Variants in CSMD1 observed in about 807,000 individuals in gnomAD.
CSMD1 encodes CUB and sushi domain-containing protein 1.
A neutral mutation model predicts 417.5 loss-of-function variants in CSMD1; 213 were observed. That is an observed-to-expected ratio of 0.51 (90% confidence interval 0.46 to 0.57). CSMD1 has a LOEUF of 0.57. Among genes scored for constraint, CSMD1 ranks in the 20% least tolerant of loss-of-function variants. The pLI, the probability that CSMD1 is intolerant of heterozygous loss-of-function variation, is 0.00. For missense variants in CSMD1, 6,923 were observed against 4,529.7 expected (o/e 1.53, Z -15.17); for synonymous variants, 2,862 against 1,736.8 (o/e 1.65, Z -16.11).
chr8:3,176,718 G>C (rs913971652), intron 37 of CSMD1, among the ~76,000 whole-genome samples: 1 of 152,032 alleles, frequency 6.6e-6, no homozygotes, highest in Admixed American at 6.5e-5. Context: ...ACCCATCAGG[G>C]AGCTGCGTGG....
intron 50 of CSMD1, among the ~76,000 whole-genome samples, chr8:3,033,290 T>C (rs967839340): frequency 6.6e-6 from 1 of 152,096 alleles, no homozygotes. Flanking sequence ...ATGATAAAAT[T>C]GTTGATAATC....
chr8:3,373,365 G>A (rs573776047), intron 18 of CSMD1: 1 of 152,216 alleles, frequency 6.6e-6, no homozygotes, highest in African/African-American at 2.4e-5. Context: ...CAGACAGAAA[G>A]TTAGAGATAA....
At chr8:3,649,793 T>G (rs1029575287) in intron 7 of CSMD1, among the ~76,000 whole-genome samples, 2 of 152,176 alleles carry the variant, frequency 1.3e-5, no homozygotes, top group East Asian at 3.8e-4. Flanking sequence ...TACTAAATTG[T>G]GGTCTTATTA....
intron 5 of CSMD1, among the ~76,000 whole-genome samples, chr8:3,867,200 A>G (rs1805164682): frequency 6.6e-6 from 1 of 152,174 alleles, no homozygotes; most frequent in African/African-American, 2.4e-5. Flanking sequence ...GTATATATAG[A>G]CAAAAGAGTG....
chr8:3,599,740 C>T (rs1327072057), intron 8 of CSMD1, among the ~76,000 whole-genome samples: 1 of 152,202 alleles, frequency 6.6e-6, no homozygotes. Flanking sequence ...ATACCTTGCA[C>T]TCCTCTCTTC....
At chr8:4,899,512 C>G (rs1173004922) in intron 1 of CSMD1, among the ~76,000 whole-genome samples, 1 of 152,098 alleles carries the variant, frequency 6.6e-6, no homozygotes, top group African/African-American at 2.4e-5. Flanking sequence ...CTCATTGTCT[C>G]ACAAAATAAG....
intron 41 of CSMD1, among the ~76,000 whole-genome samples, chr8:3,126,120 G>C (rs751822653): frequency 1.2e-4 from 19 of 152,234 alleles, no homozygotes; most frequent in Admixed American, 3.3e-4. Context: ...GTGCCAATAC[G>C]GGGACTTGAA....
intron 52 of CSMD1, among the ~76,000 whole-genome samples, chr8:3,012,227 C>CTTCTTAGAA (rs1222788440): frequency 6.6e-6 from 1 of 152,192 alleles, no homozygotes; most frequent in Non-Finnish European, 1.5e-5. Flanking sequence ...TCACAAGGTT[C>CTTCTTAGAA]TTCTTAGAAT....
chr8:3,610,884 T>C (rs1467356415), intron 8 of CSMD1, among the ~76,000 whole-genome samples: 1 of 152,012 alleles, frequency 6.6e-6, no homozygotes, highest in East Asian at 1.9e-4. Context: ...AGTTGCCTTT[T>C]CCATTGACAG....
intron 3 of CSMD1, among the ~76,000 whole-genome samples, chr8:4,354,386 T>C (rs965995635): frequency 3.9e-5 from 6 of 152,212 alleles, no homozygotes; most frequent in Non-Finnish European, 5.9e-5. Flanking sequence ...ATTTCGTAAC[T>C]ATTAAAATAC....
At chr8:3,613,208 C>A in intron 8 of CSMD1, 1 of 294,734 alleles carries the variant, frequency 3.4e-6, no homozygotes, top group East Asian at 1.3e-4. Flanking sequence ...TCAAAGCTCA[C>A]TGAAGTAGAA....
At chr8:4,230,207 T>A (rs1003118560) in intron 3 of CSMD1, among the ~76,000 whole-genome samples, 1 of 152,172 alleles carries the variant, frequency 6.6e-6, no homozygotes, top group African/African-American at 2.4e-5. Flanking sequence ...ATCTAGAGTT[T>A]CCCTCTAATC....
intron 1 of CSMD1, among the ~76,000 whole-genome samples, chr8:4,983,227 A>C (rs1265093013): frequency 6.6e-6 from 1 of 152,236 alleles, no homozygotes; most frequent in East Asian, 1.9e-4. Context: ...GTCAATAAGC[A>C]GGCACAGTGA....
chr8:4,469,804 C>T (rs1411052817), intron 2 of CSMD1, among the ~76,000 whole-genome samples: 3 of 152,202 alleles, frequency 2.0e-5, no homozygotes, highest in South Asian at 2.1e-4. Flanking sequence ...ACAGCCTTCT[C>T]ACGGAGGGAA....
intron 9 of CSMD1, among the ~76,000 whole-genome samples, chr8:3,577,459 A>G (rs772777015): frequency 4.6e-5 from 7 of 152,122 alleles, no homozygotes; most frequent in African/African-American, 7.2e-5. Flanking sequence ...TTAATAAAAA[A>G]TTGTTTATTT....
At chr8:4,005,266 C>T (rs1369575616) in intron 4 of CSMD1, among the ~76,000 whole-genome samples, 2 of 152,144 alleles carry the variant, frequency 1.3e-5, no homozygotes, top group East Asian at 1.9e-4. Context: ...ACACCATCTA[C>T]ACCCCAATAA....
At chr8:4,708,837 C>T (rs1359313474) in intron 1 of CSMD1, among the ~76,000 whole-genome samples, 3 of 152,112 alleles carry the variant, frequency 2.0e-5, no homozygotes, top group Non-Finnish European at 4.4e-5. Context: ...GGTCCCTAAT[C>T]CGACATGACT....
At chr8:4,322,537 G>T (rs1487368539) in intron 3 of CSMD1, among the ~76,000 whole-genome samples, 1 of 152,156 alleles carries the variant, frequency 6.6e-6, no homozygotes, top group African/African-American at 2.4e-5. Context: ...CATAACATTT[G>T]AGGTAGGCCC....
chr8:3,435,183 A>C (rs1382061128), intron 12 of CSMD1, among the ~76,000 whole-genome samples: 2 of 152,314 alleles, frequency 1.3e-5, no homozygotes, highest in Admixed American at 1.3e-4. Context: ...TCAGAGGGCA[A>C]AAAAGCCCCT....
Sources: allele counts gnomAD v4.1 joint callset (sites outside exome capture counted in the v4.1 genomes callset), GRCh38; gene constraint gnomAD v4.1.1; transcripts MANE v1.5; gene names NCBI Gene and HGNC (gene_info 2026-07-23, HGNC 2026-07-21).